The following ATF6 variants were observed in gnomAD, a reference collection of about 807,000 sequenced individuals.
ATF6 encodes the protein activating transcription factor 6.
Under a neutral mutation model 83.6 loss-of-function variants are expected in ATF6, and 53 were observed. The observed-to-expected ratio is 0.63, with a 90% CI of 0.51 to 0.80. ATF6 has a LOEUF of 0.80. ATF6 is among the 30% of genes least tolerant of loss of function. ATF6 has a pLI of 0.00. For synonymous variants in ATF6, 288 were observed against 285.8 expected (o/e 1.01, Z -0.08); for missense variants, 744 against 797.9 (o/e 0.93, Z 0.81).
intron 4 of ATF6, among the ~76,000 whole-genome samples, chr1:161,790,858 C>G (rs143293935): frequency 2.0e-4 from 30 of 151,830 alleles, no homozygotes; most frequent in African/African-American, 7.3e-4. Context: ...AAGCACTGCT[C>G]CATTCATGCA....
Position 161,778,429 on chromosome 1 carries a change from A to G in ATF6, c.159+109A>G, listed in dbSNP as rs567985414. ...GGCTAGTAATTTAAGTTACATACTT[A>G]ATGGTAAATAGCTTCTACCATTAAG... On this transcript the variant is annotated intron_variant, in intron 2 of 15. Coordinates refer to ENST00000367942, the MANE Select transcript of ATF6 (RefSeq NM_007348.4). The G allele has an allele frequency of 6.7e-6, 5 of 745,908 alleles. No homozygotes were observed. In the East Asian group the frequency reaches 1.1e-4, roughly 16 times the overall value. The allele number at this position is 745,908 out of a possible 1,614,324, so 46.2% of individuals were successfully genotyped here.
intron 7 of ATF6, among the ~76,000 whole-genome samples, chr1:161,812,006 A>G (rs1352503094): frequency 6.6e-6 from 1 of 152,218 alleles, no homozygotes; most frequent in African/African-American, 2.4e-5. Flanking sequence ...GTCTTTGTGA[A>G]GGGGACATTA....
intron 12 of ATF6, among the ~76,000 whole-genome samples, chr1:161,859,848 TCTTAGGAACTTG>T (rs1305922897): frequency 6.6e-6 from 1 of 152,162 alleles, no homozygotes; most frequent in Non-Finnish European, 1.5e-5. Flanking sequence ...TTTTCATACT[TCTTAGGAACTTG>T]TCATTGGGAA....
chr1:161,897,630 A>G (rs542551990), intron 14 of ATF6, among the ~76,000 whole-genome samples: 110 of 152,280 alleles, frequency 7.2e-4, no homozygotes, highest in Non-Finnish European at 1.2e-3. Context: ...AAAGAAGTTT[A>G]TCTTTTAGAG....
intron 13 of ATF6, among the ~76,000 whole-genome samples, chr1:161,861,223 G>A (rs1406142365): frequency 6.6e-6 from 1 of 152,128 alleles, no homozygotes; most frequent in East Asian, 1.9e-4. Flanking sequence ...CCACACATTT[G>A]CAGTTCACTT....
At chr1:161,865,940 A>C (rs984377134) in intron 14 of ATF6, among the ~76,000 whole-genome samples, 1 of 151,370 alleles carries the variant, frequency 6.6e-6, no homozygotes, top group Non-Finnish European at 1.5e-5. Context: ...CTGAAATGAA[A>C]ATGAAATAAT....
At chr1:161,914,211 A>G (rs1300329337) in intron 15 of ATF6, among the ~76,000 whole-genome samples, 2 of 152,192 alleles carry the variant, frequency 1.3e-5, no homozygotes, top group African/African-American at 4.8e-5. Context: ...CTTTTCTCTT[A>G]ACAGTCTTGC....
At chr1:161,887,340 A>G (rs1198039915) in intron 14 of ATF6, among the ~76,000 whole-genome samples, 9 of 151,992 alleles carry the variant, frequency 5.9e-5, no homozygotes, top group Admixed American at 5.2e-4. Flanking sequence ...TTGGCCTCCT[A>G]AAGTGCTGGG....
At chr1:161,803,272 C>T (rs1178532425) in intron 7 of ATF6, among the ~76,000 whole-genome samples, 1 of 152,092 alleles carries the variant, frequency 6.6e-6, no homozygotes, top group East Asian at 1.9e-4. Context: ...GTAATCTCAG[C>T]CAGCAATATT....
intron 3 of ATF6, among the ~76,000 whole-genome samples, chr1:161,782,272 T>C (rs1684650326): frequency 6.6e-6 from 1 of 152,226 alleles, no homozygotes; most frequent in Non-Finnish European, 1.5e-5. Flanking sequence ...ATAATGTCTC[T>C]GTATAAGATT....
intron 14 of ATF6, among the ~76,000 whole-genome samples, chr1:161,905,777 C>T (rs543435086): frequency 6.6e-6 from 1 of 152,204 alleles, no homozygotes; most frequent in South Asian, 2.1e-4. Flanking sequence ...TTATAGCTAA[C>T]AAAGTTTTGA....
intron 15 of ATF6, among the ~76,000 whole-genome samples, chr1:161,941,888 C>T (rs995610651): frequency 3.9e-5 from 6 of 152,204 alleles, no homozygotes; most frequent in South Asian, 2.1e-4. Flanking sequence ...TCTGCCGCTA[C>T]GAGCTTGTCA....
intron 15 of ATF6, among the ~76,000 whole-genome samples, chr1:161,929,922 T>C (rs534935878): frequency 6.6e-6 from 1 of 152,330 alleles, no homozygotes; most frequent in East Asian, 1.9e-4. Context: ...AAAGGGTCAG[T>C]ATGATGTTTA....
chr1:161,886,228 G>A (rs1192402674), intron 14 of ATF6, among the ~76,000 whole-genome samples: 1 of 152,146 alleles, frequency 6.6e-6, no homozygotes. Flanking sequence ...AGATGGCAGG[G>A]TCCAGATCAT....
intron 9 of ATF6, among the ~76,000 whole-genome samples, chr1:161,837,442 A>G (rs1042569346): frequency 7.9e-5 from 12 of 152,206 alleles, no homozygotes; most frequent in Admixed American, 6.5e-5. Context: ...CTGAACATAA[A>G]TTGGCCTTAG....
At chr1:161,843,975 G>T (rs17408556) in intron 9 of ATF6, among the ~76,000 whole-genome samples, 42,883 of 152,020 alleles carry the variant, frequency 0.28, 7,444 homozygotes, top group South Asian at 0.41. Context: ...CAGAGTTGAG[G>T]TGGGATAGGA....
At chr1:161,774,999 G>A (rs1039583427) in intron 1 of ATF6, among the ~76,000 whole-genome samples, 17 of 152,132 alleles carry the variant, frequency 1.1e-4, no homozygotes, top group Admixed American at 2.6e-4. Context: ...TCCAGGGCTG[G>A]GAAAGTGCAG....
chr1:161,875,732 G>A (rs955236879), intron 14 of ATF6, among the ~76,000 whole-genome samples: 5 of 151,822 alleles, frequency 3.3e-5, no homozygotes, highest in African/African-American at 4.8e-5. Flanking sequence ...GTTCCATGAA[G>A]AAAGTAGCTA....
At chr1:161,909,713 T>G (rs1431947136) in intron 14 of ATF6, among the ~76,000 whole-genome samples, 3 of 152,010 alleles carry the variant, frequency 2.0e-5, no homozygotes, top group African/African-American at 4.8e-5. Context: ...TCCCAGCACT[T>G]TGGGAGGCCG....
Sources: allele counts gnomAD v4.1 joint callset (sites outside exome capture counted in the v4.1 genomes callset), GRCh38; gene constraint gnomAD v4.1.1; transcripts MANE v1.5; gene names NCBI Gene and HGNC (gene_info 2026-07-23, HGNC 2026-07-21).